The following POLE variants were observed in gnomAD, a reference collection of about 807,000 sequenced individuals.
POLE encodes the protein DNA polymerase epsilon, catalytic subunit.
In POLE, 188 loss-of-function variants were observed where a neutral mutation model predicts 279.2. The ratio of observed to expected loss-of-function variants is 0.67; its 90% CI spans 0.60 to 0.76. The LOEUF is 0.76. Among genes scored for constraint, POLE ranks in the 30% least tolerant of loss-of-function variants. POLE has a pLI of 0.00. For missense variants in POLE, 2,703 were observed against 3,016.7 expected (o/e 0.90, Z 2.44); for synonymous variants, 1,214 against 1,172.5 (o/e 1.04, Z -0.72).
intron 8 of POLE, among the ~76,000 whole-genome samples, chr12:132,677,115 C>T (rs1281442782): frequency 1.3e-5 from 2 of 152,220 alleles, no homozygotes; most frequent in Admixed American, 1.3e-4. Flanking sequence ...ACGGAAGTCC[C>T]AGCTTTCCCT....
At position 132,668,280 on chromosome 12, in the gene POLE, C is replaced by G. The variant is rs955450843; in HGVS notation, c.2173+76G>C. ...CTCTGGGGCCCCAGCTGGGATGGACCAACGCAGCCCAGTAAGAACAGAAAG... is the reference window on the plus strand; with the variant it reads ...CTCTGGGGCCCCAGCTGGGATGGACGAACGCAGCCCAGTAAGAACAGAAAG... On this transcript the variant is annotated intron_variant, in intron 19 of 48. Transcript: ENST00000320574. The surrounding 1 kb of genome is among the most constrained non-coding windows in gnomAD (Gnocchi z 4.0). 8 of 1,480,548 alleles carry G rather than the reference C, an allele frequency of 5.4e-6. No individual in the cohort carries two copies. In the African/African-American group the frequency reaches 9.9e-5, roughly 18 times the overall value. The allele number at this position is 1,480,548 out of a possible 1,614,324, so 91.7% of individuals were successfully genotyped here. A position where few individuals can be genotyped will look rare whatever the true frequency, so the allele number is the denominator to read the frequency against.
rs2138472824 is a variant in POLE at position 132,634,166 on chromosome 12, G to T, written c.6004+20C>A. 1 of 1,598,918 alleles carries T rather than the reference G, an allele frequency of 6.3e-7. No homozygotes were observed. Among genetic ancestry groups the T allele is most frequent in the Non-Finnish European group, 8.5e-7 (1 of 1,171,240 alleles). Reference sequence around the variant, plus strand: ...GAGTCCCTTCAGTGGGGGCTGCGCAGCCCTGGGCTCTGGGCTTACCTGAAA... The same window carrying T: ...GAGTCCCTTCAGTGGGGGCTGCGCATCCCTGGGCTCTGGGCTTACCTGAAA... On this transcript the variant is annotated intron_variant, in intron 43 of 48. Transcript: ENST00000320574. The surrounding 1 kb of genome is among the most constrained non-coding windows in gnomAD (Gnocchi z 4.0).
intron 45 of POLE, among the ~76,000 whole-genome samples, chr12:132,630,780 A>G (rs2041920857): frequency 6.6e-6 from 1 of 152,206 alleles, no homozygotes; most frequent in Admixed American, 6.5e-5. Context: ...ACAATGCGAT[A>G]CCACTACACA....
intron 6 of POLE, among the ~76,000 whole-genome samples, 176 bp from the exon 7 acceptor site, chr12:132,677,895 G>A (rs971980619): frequency 1.3e-5 from 2 of 152,164 alleles, no homozygotes; most frequent in Non-Finnish European, 2.9e-5. Flanking sequence ...GGCTTGGACT[G>A]GGCCAGGCGT....
At chr12:132,647,125 C>T (rs1258162968) in intron 32 of POLE, among the ~76,000 whole-genome samples, 2 of 152,042 alleles carry the variant, frequency 1.3e-5, no homozygotes, top group Non-Finnish European at 2.9e-5. Flanking sequence ...GAGGGCCTAC[C>T]GTGTACCTTA....
intron 26 of POLE, chr12:132,658,571 A>G (rs5744874): frequency 0.54 from 81,775 of 152,832 alleles, 23,205 homozygotes; most frequent in African/African-American, 0.72. Flanking sequence ...TTTCTAGAAA[A>G]AACGAGCCTG....
intron 6 of POLE, among the ~76,000 whole-genome samples, chr12:132,679,000 T>A (rs1483966698): frequency 6.6e-6 from 1 of 152,234 alleles, no homozygotes; most frequent in Non-Finnish European, 1.5e-5. Context: ...GGTAGGTTCT[T>A]CCGAAGTCAT....
In POLE at chr12:132,673,660, T is replaced by C. The variant is rs757186755; in HGVS notation, c.1274A>G (p.Lys425Arg). Residue 425 changes from lysine (K) to arginine (R), a missense_variant, in exon 13 of 49, where the codon AAG (lysine) becomes AGG (arginine). Lys to Arg is a conservative substitution (Grantham distance 26). Around this residue, in one of 5 missense-constraint regions of POLE, gnomAD observed 1,011 missense variants for 1,111.7 expected, o/e 0.91. Transcript: ENST00000320574. ...GCCTAGCTTGGCCTTGGCGGCCGCC[T>C]TGAGATTATGACTGCCCACAGGAAG... The part of the protein sequence containing the change: ...SYLPVGSHNL[K>R]AAAKAKLGYD... 2.5e-5 allele frequency: 41 copies of C among 1,613,882 alleles called. No individual in the cohort carries two copies. Among genetic ancestry groups the C allele is most frequent in the Middle Eastern group, 1.6e-4 (1 of 6,082 alleles).
rs1214328678 is a variant in POLE at position 132,680,483 on chromosome 12, G to GC, written c.285+123dup. The GC allele has an allele frequency of 3.9e-6, 3 of 771,082 alleles. No homozygotes were observed. The African/African-American group carries it at 5.2e-5, about 13-fold the overall frequency. The allele number at this position is 771,082 out of a possible 1,614,324, so 47.8% of individuals were successfully genotyped here. A position where few individuals can be genotyped will look rare whatever the true frequency, so the allele number is the denominator to read the frequency against. On this transcript the variant is annotated intron_variant, in intron 3 of 48. Transcript: ENST00000320574. ...GTGATGACTGATGGGGCCTCCAGGGGCCCGAGTTCTGCTGGGCTATGGGCT... is the reference window on the plus strand; with the variant it reads ...GTGATGACTGATGGGGCCTCCAGGGGCCCCGAGTTCTGCTGGGCTATGGGCT...
At chr12:132,632,151 T>C (rs2041945093) in intron 45 of POLE, among the ~76,000 whole-genome samples, 164 bp downstream of exon 45, 1 of 152,180 alleles carries the variant, frequency 6.6e-6, no homozygotes, top group South Asian at 2.1e-4. Flanking sequence ...CCTGCATTCA[T>C]TAACATCCTT....
chr12:132,677,746 C>G (rs2043089480), intron 6 of POLE, 27 bp from the exon 7 acceptor site: 2 of 1,610,262 alleles, frequency 1.2e-6, no homozygotes, highest in Non-Finnish European at 1.7e-6. Flanking sequence ...GAGCAACTAA[C>G]TCAGCTGCCA....
intron 6 of POLE, 90 bp from the exon 7 acceptor site, chr12:132,677,809 C>A (rs886308768): frequency 7.9e-7 from 1 of 1,265,562 alleles, no homozygotes; most frequent in Non-Finnish European, 1.1e-6. Context: ...GAGGTGAGAC[C>A]AGAGTTCAAA....
At chr12:132,640,471 T>G (rs2042119475) in intron 39 of POLE, among the ~76,000 whole-genome samples, 1 of 152,262 alleles carries the variant, frequency 6.6e-6, no homozygotes, top group Admixed American at 6.5e-5. Flanking sequence ...CGTGTGCCAG[T>G]GTAAACAAGT....
chr12:132,656,427 C>T (rs1009109087), intron 29 of POLE, among the ~76,000 whole-genome samples: 1 of 151,474 alleles, frequency 6.6e-6, no homozygotes, highest in South Asian at 2.1e-4. Flanking sequence ...GGCGTGATCT[C>T]GGCTCACTGC....
rs1378321494 is a variant in POLE, at chr12:132,641,665, A to G, written c.5360T>C (p.Leu1787Pro). The change falls in exon 39 of 49, where the codon CTG becomes CCG. Residue 1787 changes from leucine to proline, a missense_variant. By Grantham distance (98) the Leu-to-Pro change is moderately conservative. Coordinates refer to ENST00000320574, the MANE Select transcript of POLE (RefSeq NM_006231.4). ...GTGGCACCTGAAGGTGTTAGAGCAC[A>G]GGGCTGTCTCATCGTAGCTGGCCGG... ...SAPASYDETA[L>P]CSNTFRILKS... The G allele has an allele frequency of 6.2e-7, 1 of 1,614,056 alleles. No individual in the cohort carries two copies. Among genetic ancestry groups the G allele is most frequent in the South Asian group, 1.1e-5 (1 of 91,084 alleles).
chr12:132,642,558 G>A lies in POLE; in HGVS notation c.4900C>T (p.Arg1634Cys), dbSNP rs769762523. 3.6e-5 allele frequency: 58 copies of A among 1,613,566 alleles called. No individual in the cohort carries two copies. The highest frequency in any genetic ancestry group is 1.2e-4 in the South Asian group (11 of 91,080). ...CAGGTGTCCAGGTTGAGGTAGTGAC[G>A]GATCATGCGCCGGGCTCCATGGCGC... Reference protein sequence around the residue: ...WQRHGARRMIRHYLNLDTCLS... With the variant: ...WQRHGARRMICHYLNLDTCLS... Residue 1634 changes from arginine to cysteine, a missense_variant, in exon 37 of 49, where the codon CGT (arginine) becomes TGT (cysteine). By Grantham distance (180) the Arg-to-Cys change is radical. Around this residue, in one of 5 missense-constraint regions of POLE, gnomAD observed 1,551 missense variants for 1,686.1 expected, o/e 0.92. Coordinates refer to ENST00000320574, the MANE Select transcript of POLE (RefSeq NM_006231.4).
chr12:132,635,663 ACCTCCCTGTTGCCCACGGCAAG>A (rs2042016902), intron 42 of POLE, among the ~76,000 whole-genome samples: 1 of 151,970 alleles, frequency 6.6e-6, no homozygotes, highest in Non-Finnish European at 1.5e-5. Context: ...ATGGGCCTCC[ACCTCCCTGTTGCCCACGGCAAG>A]CCTTGCCATC....
chr12:132,666,016 G>A (rs2042789927), intron 20 of POLE, among the ~76,000 whole-genome samples: 1 of 152,156 alleles, frequency 6.6e-6, no homozygotes, highest in Admixed American at 6.6e-5. Flanking sequence ...GAGATAGTAA[G>A]GCAGCTCCTT....
intron 45 of POLE, among the ~76,000 whole-genome samples, chr12:132,628,297 G>A (rs904572698): frequency 7.3e-5 from 11 of 151,634 alleles, no homozygotes; most frequent in African/African-American, 2.4e-4. Context: ...CCAAGATCGC[G>A]CCACTGCACT....
Sources: allele counts gnomAD v4.1 joint callset (sites outside exome capture counted in the v4.1 genomes callset), GRCh38; gene constraint gnomAD v4.1.1; regional missense constraint gnomAD v4.1.1; non-coding constraint Gnocchi (gnomAD v3.1); transcripts MANE v1.5; gene names NCBI Gene and HGNC (gene_info 2026-07-23, HGNC 2026-07-21).